Variants in PCSK2 observed in about 807,000 individuals in gnomAD.
The protein encoded by PCSK2 is proprotein convertase subtilisin/kexin type 2.
In PCSK2, 14 loss-of-function variants were observed where a neutral mutation model predicts 69.7. The observed-to-expected ratio is 0.20, with a 90% confidence interval of 0.13 to 0.31. The LOEUF is 0.31. Among genes scored for constraint, PCSK2 ranks in the 10% least tolerant of loss-of-function variants. The probability of loss-of-function intolerance (pLI) is 1.00; values close to 1 mark genes in which losing one functional copy is unlikely to be tolerated. For missense variants in PCSK2, 544 were observed against 842.5 expected, an observed-to-expected ratio of 0.65 and a Z score of 4.39; for synonymous variants, 307 against 320.7, an observed-to-expected ratio of 0.96 and a Z score of 0.46.
At chr20:17,426,075 G>A (rs1326519875) in intron 6 of PCSK2, among the ~76,000 whole-genome samples, 5 of 152,166 alleles carry the variant, frequency 3.3e-5, no homozygotes, top group African/African-American at 9.7e-5. Flanking sequence ...TGGTGATATG[G>A]TTTGACTCTG....
At chr20:17,312,877 C>T (rs1479063361) in intron 2 of PCSK2, among the ~76,000 whole-genome samples, 1 of 152,038 alleles carries the variant, frequency 6.6e-6, no homozygotes, top group African/African-American at 2.4e-5. Context: ...TGTCCTAAAC[C>T]CAAGTCTTTC....
intron 2 of PCSK2, among the ~76,000 whole-genome samples, chr20:17,282,512 G>A (rs1988353272): frequency 6.6e-6 from 1 of 152,128 alleles, no homozygotes; most frequent in African/African-American, 2.4e-5. Flanking sequence ...AGCAAAGAAA[G>A]AGGAAAGCTC....
chr20:17,447,500 C>T (rs1232830379), intron 8 of PCSK2, among the ~76,000 whole-genome samples: 2 of 152,094 alleles, frequency 1.3e-5, no homozygotes, highest in African/African-American at 2.4e-5. Context: ...AATTATGACG[C>T]ATATGAGCTG....
At chr20:17,312,721 T>TGCTGTAGTGGTGGAGAAGCGAG (rs1432427573) in intron 2 of PCSK2, among the ~76,000 whole-genome samples, 30 of 152,012 alleles carry the variant, frequency 2.0e-4, no homozygotes, top group African/African-American at 6.8e-4. Flanking sequence ...AGAAGAGAGG[T>TGCTGTAGTGGTGGAGAAGCGAG]GCTGTAGTGG....
At chr20:17,422,617 AG>A (rs2032157516) in intron 6 of PCSK2, among the ~76,000 whole-genome samples, 2 of 152,062 alleles carry the variant, frequency 1.3e-5, no homozygotes, top group Admixed American at 1.3e-4. Flanking sequence ...AGTAAGGAGG[AG>A]GAAAAAAGGA....
Position 17,409,268 on chromosome 20 carries a change from C to A in PCSK2, c.549C>A (p.Ala183=), listed in dbSNP as rs770667971. 6.2e-7 allele frequency: 1 copy of A among 1,613,318 alleles called. No homozygotes were observed. The highest frequency in any genetic ancestry group is 8.5e-7 in the Non-Finnish European group (1 of 1,179,356). The change falls in exon 6 of 12, where the codon GCC becomes GCA. Residue 183 remains alanine (A), a synonymous_variant. Transcript: ENST00000262545. The part of the protein sequence containing the change: ...LHPDLASNYN[A]EASYDFSSND... ...AGATGCCTTGTGTTTTTCAGAATGC[C>A]GAAGCAAGTTACGACTTCAGCAGCA...
At chr20:17,247,224 A>G (rs1223231957) in intron 1 of PCSK2, among the ~76,000 whole-genome samples, 1 of 151,932 alleles carries the variant, frequency 6.6e-6, no homozygotes, top group East Asian at 1.9e-4. Context: ...TCCCATCCCT[A>G]CTCCTGGGCA....
At chr20:17,284,049 C>G (rs113488248) in intron 2 of PCSK2, among the ~76,000 whole-genome samples, 19 of 152,306 alleles carry the variant, frequency 1.2e-4, no homozygotes, top group African/African-American at 4.6e-4. Flanking sequence ...GTAGCCCTGA[C>G]TTTTGTGGGC....
chr20:17,315,147 G>A lies in PCSK2; in HGVS notation c.283-43180G>A, dbSNP rs151252786. On this transcript the variant is annotated intron_variant, in intron 2 of 11. Coordinates refer to ENST00000262545, the MANE Select transcript of PCSK2 (RefSeq NM_002594.5). ...GAGGAACCAGGGCCTGGGACTTCTGGAGTCCCTCCCAGGACTAATTCCCGC... is the reference window on the plus strand; with the variant it reads ...GAGGAACCAGGGCCTGGGACTTCTGAAGTCCCTCCCAGGACTAATTCCCGC... Among the ~76,000 whole-genome samples the A allele has an allele frequency of 4.2e-3, 633 of 152,072 alleles. 4 individuals carry two copies. Among genetic ancestry groups the A allele is most frequent in the African/African-American group, 0.014 (600 of 41,446 alleles).
At chr20:17,340,648 G>A (rs1196505789) in intron 2 of PCSK2, among the ~76,000 whole-genome samples, 2 of 151,926 alleles carry the variant, frequency 1.3e-5, no homozygotes, top group African/African-American at 4.8e-5. Context: ...TTACAATCTT[G>A]ATGTACATCC....
In PCSK2 at chr20:17,409,265, T is replaced by C. The variant is rs1272405400; in HGVS notation, c.546T>C (p.Asn182=). Residue 182 remains asparagine, a splice_region_variant and synonymous_variant, in exon 6 of 12, where the codon AAT becomes AAC. Coordinates refer to ENST00000262545, the MANE Select transcript of PCSK2 (RefSeq NM_002594.5). ...ATGAGATGCCTTGTGTTTTTCAGAA[T>C]GCCGAAGCAAGTTACGACTTCAGCA... The part of the protein sequence containing the change: ...YLHPDLASNY[N]AEASYDFSSN... 1 of 1,613,786 alleles carries C rather than the reference T, an allele frequency of 6.2e-7. No homozygotes were observed. The highest frequency in any genetic ancestry group is 1.3e-5 in the African/African-American group (1 of 75,042).
At chr20:17,370,335 C>G (rs1338797101) in intron 5 of PCSK2, among the ~76,000 whole-genome samples, 1 of 152,150 alleles carries the variant, frequency 6.6e-6, no homozygotes, top group African/African-American at 2.4e-5. Flanking sequence ...GCGAGTGTCT[C>G]TACGTTGCAC....
intron 8 of PCSK2, among the ~76,000 whole-genome samples, chr20:17,446,454 A>T: frequency 6.6e-6 from 1 of 152,130 alleles, no homozygotes; most frequent in Admixed American, 6.5e-5. Flanking sequence ...ACTCCCACTC[A>T]CAACTCATTG....
intron 8 of PCSK2, among the ~76,000 whole-genome samples, chr20:17,442,318 C>T (rs1306818421): frequency 6.6e-6 from 1 of 151,882 alleles, no homozygotes; most frequent in Non-Finnish European, 1.5e-5. Context: ...GATTTCTAGG[C>T]AAGAAATTTC....
intron 2 of PCSK2, among the ~76,000 whole-genome samples, chr20:17,333,227 G>A (rs1990248735): frequency 1.3e-5 from 2 of 152,124 alleles, no homozygotes; most frequent in East Asian, 1.9e-4. Context: ...GAAAAAGAAT[G>A]ATAAAGCAAA....
At chr20:17,387,790 T>C (rs185429136) in intron 5 of PCSK2, among the ~76,000 whole-genome samples, 35 of 152,280 alleles carry the variant, frequency 2.3e-4, no homozygotes, top group Middle Eastern at 3.4e-3. Context: ...AGTGGCTGAA[T>C]AGAGCAGACA....
intron 2 of PCSK2, among the ~76,000 whole-genome samples, chr20:17,351,657 A>C (rs1284722539): frequency 9.5e-6 from 1 of 105,212 alleles, no homozygotes; most frequent in Non-Finnish European, 2.1e-5. Context: ...GCCTTCAAGA[A>C]AAAAACCCTC....
At chr20:17,454,619 C>T (rs2032884863) in intron 9 of PCSK2, among the ~76,000 whole-genome samples, 2 of 152,224 alleles carry the variant, frequency 1.3e-5, no homozygotes, top group Non-Finnish European at 2.9e-5. Flanking sequence ...AATACATCAT[C>T]TGTAAAGCAT....
intron 2 of PCSK2, among the ~76,000 whole-genome samples, chr20:17,290,673 T>C (rs1988667145): frequency 6.6e-6 from 1 of 152,210 alleles, no homozygotes; most frequent in Non-Finnish European, 1.5e-5. Context: ...TTAAATTATA[T>C]TTATGTGGGA....
Sources: gnomAD v4.1 joint callset for allele counts (sites outside exome capture counted in the v4.1 genomes callset) on GRCh38, gnomAD v4.1.1 for gene constraint, MANE v1.5 for transcripts, NCBI Gene and HGNC (gene_info 2026-07-23, HGNC 2026-07-21) for gene names.